SHISA9: variants seen among roughly 807,000 people sequenced by gnomAD.
SHISA9 encodes the protein shisa family member 9.
A neutral mutation model predicts 38.0 loss-of-function variants in SHISA9; 13 were observed. The observed-to-expected ratio is 0.34, with a 90% CI of 0.22 to 0.54. SHISA9 has a LOEUF of 0.54. Among genes scored for constraint, SHISA9 ranks in the 20% least tolerant of loss-of-function variants. The probability of loss-of-function intolerance (pLI) is 0.91; values close to 1 mark genes in which losing one functional copy is unlikely to be tolerated. For synonymous variants in SHISA9, 275 were observed against 242.0 expected, an observed-to-expected ratio of 1.14 and a Z score of -1.27; for missense variants, 538 against 575.8, an observed-to-expected ratio of 0.93 and a Z score of 0.67.
the SHISA9 span, among the ~76,000 whole-genome samples, chr16:13,268,374 G>C: frequency 6.6e-6 from 1 of 152,262 alleles, no homozygotes; most frequent in South Asian, 2.1e-4. Context: ...GCTGGATGTG[G>C]TGGCACATGC....
At chr16:13,462,648 A>T in the SHISA9 span, among the ~76,000 whole-genome samples, 15 of 152,052 alleles carry the variant, frequency 9.9e-5, no homozygotes, top group Non-Finnish European at 1.9e-4. Context: ...AACATGGTAA[A>T]ACCCTGTCTG....
At chr16:12,970,322 T>C (rs116024255) in intron 2 of SHISA9, among the ~76,000 whole-genome samples, 2,615 of 78,842 alleles carry the variant, frequency 0.033, 75 homozygotes, top group African/African-American at 0.12. Context: ...TAGGGGTATA[T>C]ATACATATAT....
the SHISA9 span, among the ~76,000 whole-genome samples, chr16:13,552,177 G>C: frequency 6.6e-6 from 1 of 152,192 alleles, no homozygotes; most frequent in Non-Finnish European, 1.5e-5. Flanking sequence ...TGAGAGGTCT[G>C]TGTTCATCTC....
chr16:13,546,639 T>G, the SHISA9 span, among the ~76,000 whole-genome samples: 5 of 152,178 alleles, frequency 3.3e-5, no homozygotes, highest in Admixed American at 3.3e-4. Context: ...TTAGTAAAAG[T>G]CCTTTCTACT....
intron 4 of SHISA9, among the ~76,000 whole-genome samples, chr16:13,218,242 G>A (rs928376747): frequency 6.6e-6 from 1 of 152,146 alleles, no homozygotes; most frequent in Admixed American, 6.5e-5. Flanking sequence ...TGTTACAAAT[G>A]TAGATCCTGG....
chr16:12,951,066 C>T (rs1158691919), intron 2 of SHISA9, among the ~76,000 whole-genome samples: 6 of 150,190 alleles, frequency 4.0e-5, no homozygotes, highest in Admixed American at 1.3e-4. Flanking sequence ...TACTAAAATA[C>T]AAAAATTAGC....
chr16:12,912,230 G>C (rs780342389), intron 1 of SHISA9, among the ~76,000 whole-genome samples: 2 of 152,174 alleles, frequency 1.3e-5, no homozygotes, highest in Non-Finnish European at 2.9e-5. Flanking sequence ...GGAAATGAAG[G>C]TCCCTAAAGA....
chr16:13,082,005 A>G (rs879391650), intron 2 of SHISA9, among the ~76,000 whole-genome samples: 4 of 152,188 alleles, frequency 2.6e-5, no homozygotes, highest in Non-Finnish European at 5.9e-5. Flanking sequence ...TGCACTAATT[A>G]TCTTTTCAAT....
chr16:13,512,531 AAG>A, the SHISA9 span, among the ~76,000 whole-genome samples: 1 of 152,168 alleles, frequency 6.6e-6, no homozygotes, highest in African/African-American at 2.4e-5. Context: ...AACCAAAAAA[AAG>A]AGAGTCTGTA....
the SHISA9 span, among the ~76,000 whole-genome samples, chr16:13,292,991 T>A: frequency 6.6e-6 from 1 of 152,162 alleles, no homozygotes; most frequent in African/African-American, 2.4e-5. Flanking sequence ...CAAATGAGGA[T>A]CTTTTTTCAA....
At chr16:13,416,510 T>G in the SHISA9 span, among the ~76,000 whole-genome samples, 1 of 152,134 alleles carries the variant, frequency 6.6e-6, no homozygotes, top group African/African-American at 2.4e-5. Context: ...CCAAGGGTAC[T>G]TAGATTCACA....
At chr16:13,141,767 C>A (rs2050404055) in intron 2 of SHISA9, among the ~76,000 whole-genome samples, 1 of 152,082 alleles carries the variant, frequency 6.6e-6, no homozygotes, top group African/African-American at 2.4e-5. Context: ...ATCCTCCTTG[C>A]CCTCGTTTGT....
intron 2 of SHISA9, among the ~76,000 whole-genome samples, chr16:12,989,016 G>A (rs2072349611): frequency 6.6e-6 from 1 of 152,008 alleles, no homozygotes; most frequent in African/African-American, 2.4e-5. Flanking sequence ...TTTGTAGATG[G>A]AGCCACAGCA....
intron 2 of SHISA9, among the ~76,000 whole-genome samples, chr16:12,986,615 C>T (rs1032315362): frequency 6.6e-6 from 1 of 152,256 alleles, no homozygotes; most frequent in African/African-American, 2.4e-5. Context: ...GGGAAGATCC[C>T]ACCCTCTGCA....
chr16:13,368,556 G>A, the SHISA9 span, among the ~76,000 whole-genome samples: 1 of 152,086 alleles, frequency 6.6e-6, no homozygotes, highest in Admixed American at 6.5e-5. Flanking sequence ...TGCAGTGTGA[G>A]CTTGTTTTTA....
chr16:13,249,823 G>A, the SHISA9 span, among the ~76,000 whole-genome samples: 1 of 152,076 alleles, frequency 6.6e-6, no homozygotes, highest in Non-Finnish European at 1.5e-5. Flanking sequence ...GCCTCAACCT[G>A]TGAGACTCAA....
chr16:13,360,689 G>C, the SHISA9 span, among the ~76,000 whole-genome samples: 56 of 152,272 alleles, frequency 3.7e-4, no homozygotes, highest in African/African-American at 1.3e-3. Flanking sequence ...ACTAATACAG[G>C]GCTTTTATCA....
chr16:13,280,768 G>C, the SHISA9 span, among the ~76,000 whole-genome samples: 1 of 151,568 alleles, frequency 6.6e-6, no homozygotes, highest in Non-Finnish European at 1.5e-5. Context: ...AATCAATCAA[G>C]AATCTAAATA....
At chr16:13,215,446 A>G (rs1567251830) in intron 4 of SHISA9, among the ~76,000 whole-genome samples, 1 of 152,196 alleles carries the variant, frequency 6.6e-6, no homozygotes, top group Non-Finnish European at 1.5e-5. Context: ...AAGTATTCAC[A>G]TGTCAAAGTC....
Sources: gnomAD v4.1 joint callset for allele counts (sites outside exome capture counted in the v4.1 genomes callset) on GRCh38, gnomAD v4.1.1 for gene constraint, MANE v1.5 for transcripts, NCBI Gene and HGNC (gene_info 2026-07-23, HGNC 2026-07-21) for gene names.